The following PCDH15 variants were observed in gnomAD, a reference collection of about 807,000 sequenced individuals.
PCDH15 encodes protocadherin-15.
In PCDH15, 129 loss-of-function variants were observed where a neutral mutation model predicts 178.5. The ratio of observed to expected loss-of-function variants is 0.72; its 90% CI spans 0.63 to 0.84. The LOEUF (loss-of-function observed/expected upper bound fraction) is 0.84. Ranked by LOEUF, PCDH15 falls within the 40% of genes least tolerant of loss-of-function variation. The pLI, the probability that PCDH15 is intolerant of heterozygous loss-of-function variation, is 0.00. For synonymous variants in PCDH15, 800 were observed against 732.0 expected (o/e 1.09, Z -1.50); for missense variants, 2,230 against 2,099.9 (o/e 1.06, Z -1.21).
chr10:54,321,444 A>AG (rs2061598817), intron 7 of PCDH15, among the ~76,000 whole-genome samples: 1 of 151,178 alleles, frequency 6.6e-6, no homozygotes, highest in Non-Finnish European at 1.5e-5. Flanking sequence ...TTTATGTGAT[A>AG]CATGAATGTA....
chr10:53,858,740 T>G (rs2078916922), intron 27 of PCDH15, among the ~76,000 whole-genome samples: 1 of 152,080 alleles, frequency 6.6e-6, no homozygotes, highest in Non-Finnish European at 1.5e-5. Context: ...ATGACTAAAT[T>G]TCCCTTCAAC....
intron 2 of PCDH15, among the ~76,000 whole-genome samples, chr10:55,126,868 TG>T (rs1837913445): frequency 6.6e-6 from 1 of 151,080 alleles, no homozygotes; most frequent in Non-Finnish European, 1.5e-5. Flanking sequence ...TTCCTACAAT[TG>T]CCTTAAATAC....
chr10:54,402,116 C>A (rs1327204028), intron 3 of PCDH15, among the ~76,000 whole-genome samples: 1 of 151,676 alleles, frequency 6.6e-6, no homozygotes, highest in Admixed American at 6.6e-5. Context: ...ATCTTATTAA[C>A]AGAGTGAGGG....
chr10:54,566,016 G>A (rs914926059), intron 2 of PCDH15, among the ~76,000 whole-genome samples: 4 of 152,140 alleles, frequency 2.6e-5, no homozygotes, highest in African/African-American at 4.8e-5. Flanking sequence ...ACTGGGAAGC[G>A]GAGTTTGCAG....
At chr10:54,373,320 C>G (rs186895709) in intron 4 of PCDH15, among the ~76,000 whole-genome samples, 6 of 151,664 alleles carry the variant, frequency 4.0e-5, no homozygotes, top group African/African-American at 1.4e-4. Context: ...GGACTTACCA[C>G]CTTTATAACA....
intron 2 of PCDH15, among the ~76,000 whole-genome samples, chr10:55,367,137 C>T (rs147175831): frequency 6.6e-6 from 1 of 151,988 alleles, no homozygotes; most frequent in Non-Finnish European, 1.5e-5. Context: ...TCTTCCTTCC[C>T]TCTCCCATAT....
chr10:54,969,069 G>C (rs1554819198), intron 2 of PCDH15, among the ~76,000 whole-genome samples: 1 of 139,484 alleles, frequency 7.2e-6, no homozygotes, highest in Non-Finnish European at 1.5e-5. Flanking sequence ...TAACTCTGAG[G>C]TCTGTTTCTA....
At chr10:54,092,941 T>C (rs2094624824) in intron 15 of PCDH15, among the ~76,000 whole-genome samples, 1 of 152,184 alleles carries the variant, frequency 6.6e-6, no homozygotes, top group Non-Finnish European at 1.5e-5. Flanking sequence ...TAATCTTGTG[T>C]TTCATAAAAG....
At chr10:54,292,304 T>A (rs913686630) in intron 8 of PCDH15, among the ~76,000 whole-genome samples, 1 of 152,122 alleles carries the variant, frequency 6.6e-6, no homozygotes, top group Non-Finnish European at 1.5e-5. Context: ...ATAAATCAGG[T>A]ATTGATGGGA....
At chr10:55,252,209 T>C (rs879369066) in intron 1 of PCDH15, among the ~76,000 whole-genome samples, 4 of 152,146 alleles carry the variant, frequency 2.6e-5, no homozygotes, top group Non-Finnish European at 5.9e-5. Context: ...TACAGAGTTA[T>C]AAGCAAAATC....
intron 2 of PCDH15, among the ~76,000 whole-genome samples, chr10:55,531,657 G>A (rs7096029): frequency 0.32 from 49,267 of 151,862 alleles, 8,516 homozygotes; most frequent in East Asian, 0.5. Flanking sequence ...CACATCTGTG[G>A]CAGTGACTAA....
At chr10:55,190,642 A>T (rs924593906) in intron 1 of PCDH15, among the ~76,000 whole-genome samples, 4 of 151,796 alleles carry the variant, frequency 2.6e-5, no homozygotes, top group African/African-American at 9.7e-5. Flanking sequence ...ATTACACATT[A>T]TAAACAGATG....
At chr10:54,360,309 CTATA>C (rs1337967187) in intron 5 of PCDH15, among the ~76,000 whole-genome samples, 3 of 152,108 alleles carry the variant, frequency 2.0e-5, no homozygotes, top group Admixed American at 1.3e-4. Flanking sequence ...TTCTTCCCTG[CTATA>C]TAAACCGGCA....
Position 54,953,181 on chromosome 10 carries a change from ATTCCTCT to A in PCDH15, c.-79-55688_-79-55682del, listed in dbSNP as rs201880149. On this transcript the variant is annotated intron_variant, in intron 2 of 5. Coordinates refer to the PCDH15 transcript ENST00000458638. ...TTGTAGATGTTTTTTAAGTTGAAGA[ATTCCTCT>A]TTCCTCTTTGTTCATAATTTGCTAA... Among the ~76,000 whole-genome samples, 1,134 of 151,524 alleles carry A rather than the reference ATTCCTCT, an allele frequency of 7.5e-3. 15 individuals carry two copies. Among genetic ancestry groups the A allele is most frequent in the African/African-American group, 0.026 (1,079 of 41,464 alleles).
intron 20 of PCDH15, among the ~76,000 whole-genome samples, chr10:54,017,216 G>A (rs1172963805): frequency 6.6e-6 from 1 of 151,730 alleles, no homozygotes; most frequent in African/African-American, 2.4e-5. Context: ...ATAGAGGTGG[G>A]GTTTCATCAT....
At chr10:53,920,707 C>T (rs1333720916) in intron 25 of PCDH15, among the ~76,000 whole-genome samples, 1 of 152,144 alleles carries the variant, frequency 6.6e-6, no homozygotes, top group Admixed American at 6.6e-5. Flanking sequence ...TGTGGAGATA[C>T]TATGTGCAAA....
At chr10:53,948,963 T>G (rs1458401085) in intron 23 of PCDH15, among the ~76,000 whole-genome samples, 1 of 152,216 alleles carries the variant, frequency 6.6e-6, no homozygotes, top group Non-Finnish European at 1.5e-5. Context: ...TTCCCATAGA[T>G]ACAATACAAT....
chr10:53,883,030 G>GATGTACATATGTATATACATAT (rs2080842663), intron 26 of PCDH15, among the ~76,000 whole-genome samples: 1 of 151,688 alleles, frequency 6.6e-6, no homozygotes, highest in Admixed American at 6.6e-5. Flanking sequence ...ATGTTTTTTT[G>GATGTACATATGTATATACATAT]ATGTACATAT....
At position 54,647,736 on chromosome 10, in the gene PCDH15, C is replaced by T. The variant is rs574821498; in HGVS notation, c.91+16436G>A. Among the ~76,000 whole-genome samples, 20 of 152,146 alleles carry T rather than the reference C, an allele frequency of 1.3e-4. No individual in the cohort carries two copies. The South Asian group carries it at 4.1e-3, about 32-fold the overall frequency. On this transcript the variant is annotated intron_variant, in intron 2 of 37. Coordinates refer to ENST00000644397, the MANE Select transcript of PCDH15 (RefSeq NM_001384140.1). The stretch of plus-strand genomic sequence containing the variant: ...AATAGATTAAATAAGATAGTATATA[C>T]TTGATTGACCATTGATTTCTTCTTC...
Sources: gnomAD v4.1 joint callset for allele counts (sites outside exome capture counted in the v4.1 genomes callset) on GRCh38, gnomAD v4.1.1 for gene constraint, MANE v1.5 for transcripts, NCBI Gene and HGNC (gene_info 2026-07-23, HGNC 2026-07-21) for gene names.